GNAQ: variants seen among roughly 807,000 people sequenced by gnomAD.
GNAQ encodes the protein guanine nucleotide-binding protein G(q) subunit alpha.
GNAQ carries 8 observed loss-of-function variants against 43.9 expected under a neutral mutation model. The ratio of observed to expected loss-of-function variants is 0.18; its 90% CI spans 0.11 to 0.33. The LOEUF (loss-of-function observed/expected upper bound fraction) is 0.33. GNAQ is among the 10% of genes least tolerant of loss of function. The pLI is 1.00. For synonymous variants in GNAQ, 155 were observed against 170.7 expected, an observed-to-expected ratio of 0.91 and a Z score of 0.71; for missense variants, 158 against 450.8, an observed-to-expected ratio of 0.35 and a Z score of 5.88.
intron 1 of GNAQ, among the ~76,000 whole-genome samples, chr9:77,984,239 G>T (rs1273372818): frequency 4.0e-5 from 6 of 149,824 alleles, no homozygotes; most frequent in African/African-American, 2.5e-5. Context: ...GCATGATCTC[G>T]GCTCACTGCA....
At chr9:77,753,087 A>G (rs368117824) in intron 5 of GNAQ, among the ~76,000 whole-genome samples, 7 of 100,202 alleles carry the variant, frequency 7.0e-5, no homozygotes, top group African/African-American at 4.1e-4. Flanking sequence ...ACTCTGTCTC[A>G]AAAAAAAAAA....
intron 1 of GNAQ, among the ~76,000 whole-genome samples, chr9:77,998,006 T>C (rs1407656996): frequency 6.6e-6 from 1 of 152,154 alleles, no homozygotes; most frequent in Non-Finnish European, 1.5e-5. Flanking sequence ...GCAGAATTAA[T>C]CCATCAACTG....
intron 2 of GNAQ, among the ~76,000 whole-genome samples, chr9:77,886,302 CA>C (rs1421427935): frequency 6.8e-6 from 1 of 146,932 alleles, no homozygotes; most frequent in East Asian, 2.0e-4. Context: ...TAAAATTAAA[CA>C]AATCTGGAGA....
chr9:77,868,856 G>A (rs1376426265), intron 2 of GNAQ, among the ~76,000 whole-genome samples: 6 of 151,320 alleles, frequency 4.0e-5, no homozygotes, highest in Admixed American at 6.6e-5. Context: ...GCGTGGTGGC[G>A]CATGCCTGTA....
intron 2 of GNAQ, among the ~76,000 whole-genome samples, chr9:77,896,211 G>C (rs1353208747): frequency 6.7e-4 from 102 of 152,074 alleles, no homozygotes; most frequent in Non-Finnish European, 4.4e-5. Flanking sequence ...TACAACAAAA[G>C]AAGCTAAATT....
chr9:77,754,538 C>G lies in GNAQ; in HGVS notation c.736-25871G>C, dbSNP rs557926828. ...GCAGATTCCCTTGTTCTGTCATAAT[C>G]ACACTCTTCCTTAGGTGTATTAACA... is the stretch of plus-strand genomic sequence containing the variant. On this transcript the variant is annotated intron_variant, in intron 5 of 6. Transcript: ENST00000286548. Among the ~76,000 whole-genome samples the G allele has an allele frequency of 2.6e-5, 4 of 152,262 alleles. No homozygotes were observed. The East Asian group carries it at 5.8e-4, about 22-fold the overall frequency.
At chr9:77,784,069 G>A (rs2118411898) in intron 5 of GNAQ, among the ~76,000 whole-genome samples, 1 of 152,070 alleles carries the variant, frequency 6.6e-6, no homozygotes, top group South Asian at 2.1e-4. Context: ...AGTCATTGAG[G>A]GGAAAACAAA....
chr9:77,952,560 G>A (rs1822995370), intron 1 of GNAQ, among the ~76,000 whole-genome samples: 2 of 152,246 alleles, frequency 1.3e-5, no homozygotes, highest in East Asian at 1.9e-4. Flanking sequence ...GATTGCCTTA[G>A]AACAGTTAAG....
At chr9:77,957,523 CT>C (rs1823057893) in intron 1 of GNAQ, among the ~76,000 whole-genome samples, 1 of 152,110 alleles carries the variant, frequency 6.6e-6, no homozygotes, top group Admixed American at 6.6e-5. Flanking sequence ...TGGAAAGCAA[CT>C]GATGAGAAGT....
intron 3 of GNAQ, among the ~76,000 whole-genome samples, chr9:77,800,568 T>G (rs1050972963): frequency 2.6e-5 from 4 of 152,098 alleles, no homozygotes; most frequent in Non-Finnish European, 5.9e-5. Flanking sequence ...CTCTGGGGAC[T>G]GCTGTGGGGG....
chr9:77,923,571 C>T (rs556073893), intron 1 of GNAQ, among the ~76,000 whole-genome samples: 4 of 152,146 alleles, frequency 2.6e-5, no homozygotes, highest in Non-Finnish European at 5.9e-5. Flanking sequence ...TGTGTCCTTT[C>T]TCAGGGCCTG....
intron 5 of GNAQ, among the ~76,000 whole-genome samples, chr9:77,789,705 C>T (rs1826536932): frequency 6.6e-6 from 1 of 151,998 alleles, no homozygotes; most frequent in South Asian, 2.1e-4. Flanking sequence ...CACAATCGGC[C>T]TTTTTCACAT....
At position 78,031,544 on chromosome 9, in the gene GNAQ, C is replaced by G. The variant is rs962942695; in HGVS notation, c.-309G>C. The G allele has an allele frequency of 6.9e-6, 1 of 145,540 alleles. No homozygotes were observed. Among genetic ancestry groups the G allele is most frequent in the African/African-American group, 2.5e-5 (1 of 40,112 alleles). The allele number at this position is 145,540 out of a possible 1,614,324, so 9.0% of individuals were successfully genotyped here. A position where few individuals can be genotyped will look rare whatever the true frequency, so the allele number is the denominator to read the frequency against. On this transcript the variant is annotated 5_prime_UTR_variant, in exon 1 of 7. Transcript: ENST00000286548. ...GCCGCGCCCGGCCTCGCTCAGACGC[C>G]CGCGCCTCCTTCCCCGGGAACAGGC... is the stretch of plus-strand genomic sequence containing the variant.
At chr9:78,031,078 CG>C in intron 1 of GNAQ, 21 bp downstream of exon 1, 5 of 1,438,072 alleles carry the variant, frequency 3.5e-6, no homozygotes, top group Non-Finnish European at 3.7e-6. Flanking sequence ...AGAGGCCCGG[CG>C]GGGCCCCGGA....
At chr9:77,887,627 C>T (rs190785071) in intron 2 of GNAQ, among the ~76,000 whole-genome samples, 2 of 152,278 alleles carry the variant, frequency 1.3e-5, no homozygotes, top group Admixed American at 6.5e-5. Context: ...CCAGCAGTGC[C>T]TGCTTGTGAT....
chr9:77,816,998 T>G (rs1827027359), intron 2 of GNAQ, among the ~76,000 whole-genome samples: 2 of 152,198 alleles, frequency 1.3e-5, no homozygotes, highest in Admixed American at 1.3e-4. Flanking sequence ...CAATCGGATC[T>G]AGTAACTGAG....
intron 5 of GNAQ, among the ~76,000 whole-genome samples, chr9:77,776,148 T>C (rs1826303501): frequency 6.6e-6 from 1 of 152,236 alleles, no homozygotes; most frequent in Admixed American, 6.5e-5. Flanking sequence ...GCTTGTTTTG[T>C]GCAACTTGTG....
chr9:77,936,212 A>G (rs922887926), intron 1 of GNAQ, among the ~76,000 whole-genome samples: 1 of 152,212 alleles, frequency 6.6e-6, no homozygotes, highest in African/African-American at 2.4e-5. Context: ...TTGTTCTACA[A>G]CCCATGAAGT....
chr9:77,947,611 C>T (rs1331447836), intron 1 of GNAQ, among the ~76,000 whole-genome samples: 6 of 152,142 alleles, frequency 3.9e-5, no homozygotes, highest in African/African-American at 1.4e-4. Flanking sequence ...CATACATGCC[C>T]CTTTATTTCC....
Sources: gnomAD v4.1 joint callset for allele counts (sites outside exome capture counted in the v4.1 genomes callset) on GRCh38, gnomAD v4.1.1 for gene constraint, MANE v1.5 for transcripts, NCBI Gene and HGNC (gene_info 2026-07-23, HGNC 2026-07-21) for gene names.